UTS2: variants seen among roughly 807,000 people sequenced by gnomAD.
UTS2 encodes the protein urotensin-2.
UTS2 carries 10 observed loss-of-function variants against 12.6 expected under a neutral mutation model. The observed-to-expected ratio is 0.80, with a 90% CI of 0.49 to 1.35. The LOEUF is 1.35. Among genes scored for constraint, UTS2 ranks in the 40% most tolerant of loss-of-function variants. The pLI is 0.00. For synonymous variants in UTS2, 52 were observed against 50.0 expected, an observed-to-expected ratio of 1.04 and a Z score of -0.17; for missense variants, 142 against 143.2, an observed-to-expected ratio of 0.99 and a Z score of 0.04.
the UTS2 span, among the ~76,000 whole-genome samples, chr1:7,862,330 C>A: frequency 6.6e-6 from 1 of 152,022 alleles, no homozygotes; most frequent in Non-Finnish European, 1.5e-5. Context: ...ATGCTCCTAC[C>A]TCTGGGCCTG....
the UTS2 span, among the ~76,000 whole-genome samples, chr1:7,888,255 A>G: frequency 1.3e-5 from 2 of 152,088 alleles, no homozygotes; most frequent in East Asian, 3.8e-4. Flanking sequence ...CCACACATTC[A>G]TTTTCACATA....
chr1:7,850,752 CA>C (rs1454148277), intron 2 of UTS2, 59 bp downstream of exon 2: 11 of 1,535,592 alleles, frequency 7.2e-6, no homozygotes, highest in Non-Finnish European at 9.0e-6. Context: ...TAGATGAGGA[CA>C]GACGGTAAGT....
chr1:7,854,812 C>G (rs1235956175), upstream of UTS2, among the ~76,000 whole-genome samples: 2 of 152,026 alleles, frequency 1.3e-5, no homozygotes, highest in African/African-American at 4.8e-5. Context: ...TTGATTCAGC[C>G]ATTCCACAAT....
the UTS2 span, among the ~76,000 whole-genome samples, chr1:7,913,072 A>G: frequency 2.0e-5 from 3 of 150,498 alleles, no homozygotes; most frequent in Non-Finnish European, 4.4e-5. Flanking sequence ...CTAATAGTCG[A>G]TTTACAAACC....
chr1:7,862,863 C>T, the UTS2 span, among the ~76,000 whole-genome samples: 6 of 152,166 alleles, frequency 3.9e-5, no homozygotes, highest in Non-Finnish European at 7.3e-5. Context: ...GTTCCCTCTG[C>T]TTGGAATGCT....
the UTS2 span, among the ~76,000 whole-genome samples, chr1:7,910,679 AAAG>A: frequency 6.6e-6 from 1 of 152,202 alleles, no homozygotes; most frequent in Non-Finnish European, 1.5e-5. Flanking sequence ...TTTAGAGAGC[AAAG>A]AAGAAATTTT....
chr1:7,894,132 CTT>C, the UTS2 span, among the ~76,000 whole-genome samples: 7 of 144,696 alleles, frequency 4.8e-5, no homozygotes, highest in Non-Finnish European at 9.1e-5. Context: ...TCTCTGATTT[CTT>C]TTTTTTTTTT....
chr1:7,877,750 G>A, the UTS2 span, among the ~76,000 whole-genome samples: 3 of 152,120 alleles, frequency 2.0e-5, no homozygotes, highest in African/African-American at 7.2e-5. Context: ...GCATGTGCCT[G>A]TAATCCCAGC....
chr1:7,864,549 C>T, the UTS2 span, among the ~76,000 whole-genome samples: 1 of 152,236 alleles, frequency 6.6e-6, no homozygotes. Context: ...CGTCTGTCAG[C>T]ATGCTTGAAG....
At chr1:7,861,729 A>T in the UTS2 span, among the ~76,000 whole-genome samples, 1 of 151,984 alleles carries the variant, frequency 6.6e-6, no homozygotes, top group South Asian at 2.1e-4. Context: ...TTTCCCCAGG[A>T]CAAAAGGCGG....
At chr1:7,894,403 A>G in the UTS2 span, among the ~76,000 whole-genome samples, 64,705 of 151,596 alleles carry the variant, frequency 0.43, 14,689 homozygotes, top group African/African-American at 0.58. Context: ...CAGACTCCTG[A>G]TCTCAAGTGA....
the UTS2 span, among the ~76,000 whole-genome samples, chr1:7,871,575 A>G: frequency 2.7e-5 from 4 of 148,112 alleles, no homozygotes; most frequent in African/African-American, 9.9e-5. Flanking sequence ...CAGATATTGC[A>G]TTTTTTTTTT....
the UTS2 span, among the ~76,000 whole-genome samples, chr1:7,898,669 G>C: frequency 6.6e-6 from 1 of 151,930 alleles, no homozygotes; most frequent in African/African-American, 2.4e-5. Flanking sequence ...AGTAGAGACG[G>C]GGTTTCACTG....
the UTS2 span, among the ~76,000 whole-genome samples, chr1:7,881,187 T>C: frequency 6.6e-6 from 1 of 152,340 alleles, no homozygotes; most frequent in Non-Finnish European, 1.5e-5. Context: ...GACATCATAC[T>C]GAATGGGGAA....
chr1:7,855,075 T>C (rs961326391), upstream of UTS2, among the ~76,000 whole-genome samples: 5 of 149,622 alleles, frequency 3.3e-5, no homozygotes, highest in East Asian at 4.0e-4. Flanking sequence ...GCAGGAGAAT[T>C]GCTTGAACCT....
At chr1:7,897,475 T>C in the UTS2 span, among the ~76,000 whole-genome samples, 1 of 152,274 alleles carries the variant, frequency 6.6e-6, no homozygotes, top group Non-Finnish European at 1.5e-5. Context: ...GTACTGACTC[T>C]ATAAATCAAT....
At chr1:7,869,310 G>A in the UTS2 span, among the ~76,000 whole-genome samples, 1 of 152,178 alleles carries the variant, frequency 6.6e-6, no homozygotes, top group Non-Finnish European at 1.5e-5. Context: ...GTGTGACTGA[G>A]CCCTTTCAAG....
At chr1:7,911,831 G>T in the UTS2 span, among the ~76,000 whole-genome samples, 4 of 151,544 alleles carry the variant, frequency 2.6e-5, no homozygotes, top group Non-Finnish European at 5.9e-5. Context: ...AACCCAGGAG[G>T]CGGAGGTTAC....
the UTS2 span, among the ~76,000 whole-genome samples, chr1:7,877,788 G>A: frequency 7.0e-4 from 106 of 152,144 alleles, 2 homozygotes; most frequent in East Asian, 0.015. Flanking sequence ...CAAGAGAATC[G>A]CTTGAACCTG....
Sources: gnomAD v4.1 joint callset for allele counts (sites outside exome capture counted in the v4.1 genomes callset) on GRCh38, gnomAD v4.1.1 for gene constraint, MANE v1.5 for transcripts, NCBI Gene and HGNC (gene_info 2026-07-23, HGNC 2026-07-21) for gene names.